KLHDC10: variants seen among roughly 807,000 people sequenced by gnomAD.
KLHDC10 encodes kelch domain-containing protein 10.
Under a neutral mutation model 56.1 loss-of-function variants are expected in KLHDC10, and 24 were observed. The observed-to-expected ratio is 0.43, with a 90% confidence interval of 0.31 to 0.60. The LOEUF (loss-of-function observed/expected upper bound fraction) is 0.60. KLHDC10 is among the 20% of genes least tolerant of loss of function. KLHDC10 has a pLI of 0.11. For synonymous variants in KLHDC10, 188 were observed against 207.1 expected (o/e 0.91, Z 0.79); for missense variants, 349 against 567.0 (o/e 0.62, Z 3.91).
At chr7:130,119,157 C>T (rs1372672596) in intron 3 of KLHDC10, among the ~76,000 whole-genome samples, 2 of 149,686 alleles carry the variant, frequency 1.3e-5, no homozygotes, top group African/African-American at 2.5e-5. Flanking sequence ...TGCAGTGAGC[C>T]ATGTTCATGC....
At chr7:130,128,602 G>A (rs909857835) in intron 8 of KLHDC10, among the ~76,000 whole-genome samples, 7 of 151,992 alleles carry the variant, frequency 4.6e-5, no homozygotes, top group African/African-American at 7.3e-5. Flanking sequence ...TGAAGTGAAC[G>A]TTCCTCCTCA....
intron 1 of KLHDC10, among the ~76,000 whole-genome samples, chr7:130,085,512 G>C (rs996354808): frequency 6.6e-6 from 1 of 151,594 alleles, no homozygotes; most frequent in Non-Finnish European, 1.5e-5. Flanking sequence ...AGGTTACCTT[G>C]TCGAGAGCAA....
At chr7:130,071,204 G>A (rs1241004481) in intron 1 of KLHDC10, among the ~76,000 whole-genome samples, 2 of 152,164 alleles carry the variant, frequency 1.3e-5, no homozygotes, top group Non-Finnish European at 2.9e-5. Context: ...AAGGAGAGAA[G>A]AAGGAAACGC....
At chr7:130,071,218 C>T (rs1324595873) in intron 1 of KLHDC10, among the ~76,000 whole-genome samples, 1 of 152,142 alleles carries the variant, frequency 6.6e-6, no homozygotes, top group African/African-American at 2.4e-5. Context: ...GAAACGCATT[C>T]CAAGGAGTGA....
Position 130,135,403 on chromosome 7 carries a change from C to A in KLHDC10, c.*4657C>A, listed in dbSNP as rs1272118666. On this transcript the variant is annotated 3_prime_UTR_variant, in exon 10 of 10. Transcript: ENST00000335420. ...AGAAAGGAAGCCTCTTTCTGAGACA[C>A]AGTCTCTGAGAGGTGAGCCTAGCTT... 6.5e-6 allele frequency: 1 copy of A among 154,392 alleles called. No individual in the cohort carries two copies. The highest frequency in any genetic ancestry group is 1.5e-5 in the Non-Finnish European group (1 of 68,222). 9.6% of individuals were successfully genotyped at this position (154,392 alleles called of 1,614,324 possible). A position where few individuals can be genotyped will look rare whatever the true frequency, so the allele number is the denominator to read the frequency against.
rs565447406 is a variant in KLHDC10, at chr7:130,109,674, T to A, written c.254-6771T>A. 5.9e-5 allele frequency among the ~76,000 whole-genome samples: 9 copies of A among 152,356 alleles called. No individual in the cohort carries two copies. The South Asian group carries it at 1.9e-3, about 32-fold the overall frequency. ...TTTGTTTTGAGACGGAGTCTCACTCTGTTGCCCAGGCTGGAGTGCAGTGGT... is the reference window on the plus strand; with the variant it reads ...TTTGTTTTGAGACGGAGTCTCACTCAGTTGCCCAGGCTGGAGTGCAGTGGT... On this transcript the variant is annotated intron_variant, in intron 2 of 9. Coordinates refer to ENST00000335420, the MANE Select transcript of KLHDC10 (RefSeq NM_014997.4).
intron 1 of KLHDC10, among the ~76,000 whole-genome samples, chr7:130,090,459 A>G (rs1795755332): frequency 6.6e-6 from 1 of 151,936 alleles, no homozygotes; most frequent in African/African-American, 2.4e-5. Flanking sequence ...GTGGTGGCAC[A>G]TACCTGTAGT....
intron 6 of KLHDC10, 59 bp from the exon 7 acceptor site, chr7:130,125,806 C>T: frequency 7.5e-7 from 1 of 1,328,520 alleles, no homozygotes. Flanking sequence ...AATCCTTTTT[C>T]AGGCTAGCTA....
Position 130,133,265 on chromosome 7 carries a change from C to T in KLHDC10, c.*2519C>T, listed in dbSNP as rs913132991. On this transcript the variant is annotated 3_prime_UTR_variant, in exon 10 of 10. Coordinates refer to ENST00000335420, the MANE Select transcript of KLHDC10 (RefSeq NM_014997.4). Reference sequence around the variant, plus strand: ...ATCAGGCGTTTCGGTATACCTATAACCAGCACTCGGAATTCCTGACACTGT... The same window carrying T: ...ATCAGGCGTTTCGGTATACCTATAATCAGCACTCGGAATTCCTGACACTGT... 1.3e-5 allele frequency: 2 copies of T among 152,166 alleles called. No homozygotes were observed. The highest frequency in any genetic ancestry group is 4.8e-5 in the African/African-American group (2 of 41,442). The allele number at this position is 152,166 out of a possible 1,614,324, so 9.4% of individuals were successfully genotyped here.
chr7:130,095,425 A>G (rs1042593425), intron 1 of KLHDC10, among the ~76,000 whole-genome samples: 1 of 152,172 alleles, frequency 6.6e-6, no homozygotes, highest in Non-Finnish European at 1.5e-5. Context: ...CTTTTTGAAA[A>G]ACTTATTGCC....
intron 3 of KLHDC10, among the ~76,000 whole-genome samples, chr7:130,118,649 C>T (rs1430743130): frequency 6.6e-6 from 1 of 152,220 alleles, no homozygotes; most frequent in African/African-American, 2.4e-5. Flanking sequence ...GCCTTCCTCA[C>T]TAAGCTTAGT....
intron 1 of KLHDC10, among the ~76,000 whole-genome samples, chr7:130,078,889 A>G (rs556808908): frequency 3.9e-4 from 59 of 152,356 alleles, no homozygotes; most frequent in South Asian, 3.1e-3. Context: ...CAAAAATACT[A>G]AACAATAAGA....
At position 130,070,752 on chromosome 7, in the gene KLHDC10, C is replaced by CGGGGGGGGG; in HGVS notation, c.114_115insGGGGGGGGG (p.Gly38_Thr39insGlyGlyGly). The CGGGGGGGGG allele has an allele frequency of 2.1e-6, 1 of 467,700 alleles. No homozygotes were observed. 29.0% of individuals were successfully genotyped at this position (467,700 alleles called of 1,614,324 possible). A position where few individuals can be genotyped will look rare whatever the true frequency, so the allele number is the denominator to read the frequency against. ...CGGGGGCAGTGGGGGCAGCGGGGGTCGGGGGACTGGCCAGCTCAACCGCTT... is the reference window on the plus strand; with the variant it reads ...CGGGGGCAGTGGGGGCAGCGGGGGTCGGGGGGGGGGGGGGACTGGCCAGCTCAACCGCTT... On this transcript the variant is annotated inframe_insertion, in exon 1 of 10. Transcript: ENST00000335420.
rs1021958944 is a variant in KLHDC10 at position 130,070,594 on chromosome 7, C to T, written c.-50C>T. ...CCCAGGAAGGAGGCTCCGCTGGTTC[C>T]GCTGGGTCAGGCGCTGACGGGACCG... On this transcript the variant is annotated 5_prime_UTR_variant, in exon 1 of 10. Transcript: ENST00000335420. 7.0e-6 allele frequency: 9 copies of T among 1,286,734 alleles called. No homozygotes were observed. Among genetic ancestry groups the T allele is most frequent in the African/African-American group, 4.5e-5 (3 of 66,126 alleles). 79.7% of individuals were successfully genotyped at this position (1,286,734 alleles called of 1,614,324 possible).
intron 1 of KLHDC10, among the ~76,000 whole-genome samples, chr7:130,078,197 G>A (rs192480658): frequency 2.8e-4 from 43 of 151,454 alleles, no homozygotes; most frequent in Non-Finnish European, 4.4e-4. Context: ...GTGAAACCCC[G>A]TCTCTACTGA....
intron 1 of KLHDC10, among the ~76,000 whole-genome samples, chr7:130,092,600 A>G (rs183272319): frequency 6.8e-4 from 103 of 152,162 alleles, no homozygotes; most frequent in African/African-American, 2.1e-3. Flanking sequence ...ACGGGGTTCT[A>G]CCTTCTCCCT....
chr7:130,100,638 C>CA (rs1464436249), intron 2 of KLHDC10, among the ~76,000 whole-genome samples: 1 of 152,106 alleles, frequency 6.6e-6, no homozygotes, highest in African/African-American at 2.4e-5. Context: ...TTTAATGCTT[C>CA]AATAGGTTGT....
chr7:130,114,456 C>T (rs1011779689), intron 2 of KLHDC10, among the ~76,000 whole-genome samples: 3 of 152,092 alleles, frequency 2.0e-5, no homozygotes, highest in African/African-American at 7.2e-5. Flanking sequence ...AATAATATCC[C>T]AATATGCAAA....
chr7:130,123,024 G>GT (rs1563106302), intron 5 of KLHDC10, among the ~76,000 whole-genome samples: 94 of 137,678 alleles, frequency 6.8e-4, no homozygotes, highest in Admixed American at 1.8e-3. Flanking sequence ...TGTATGGATG[G>GT]ATGGATGGAT....
Sources: allele counts gnomAD v4.1 joint callset (sites outside exome capture counted in the v4.1 genomes callset), GRCh38; gene constraint gnomAD v4.1.1; transcripts MANE v1.5; gene names NCBI Gene and HGNC (gene_info 2026-07-23, HGNC 2026-07-21).